PDE1C: variants seen among roughly 807,000 people sequenced by gnomAD.
The protein encoded by PDE1C is dual specificity calcium/calmodulin-dependent 3',5'-cyclic nucleotide phosphodiesterase 1C.
Under a neutral mutation model 93.1 loss-of-function variants are expected in PDE1C, and 62 were observed. That is an observed-to-expected ratio of 0.67 (90% confidence interval 0.54 to 0.82). The LOEUF is 0.82. Among genes scored for constraint, PDE1C ranks in the 40% least tolerant of loss-of-function variants. The probability of loss-of-function intolerance (pLI) is 0.00; values close to 1 mark genes in which losing one functional copy is unlikely to be tolerated. For missense variants in PDE1C, 742 were observed against 884.6 expected, an observed-to-expected ratio of 0.84 and a Z score of 2.04; for synonymous variants, 325 against 310.1, an observed-to-expected ratio of 1.05 and a Z score of -0.50.
intron 3 of PDE1C, among the ~76,000 whole-genome samples, chr7:32,085,488 C>G (rs1228092575): frequency 1.3e-5 from 2 of 149,270 alleles, no homozygotes; most frequent in East Asian, 3.9e-4. Flanking sequence ...AGGGAATCCT[C>G]CCTAACTCAT....
At chr7:32,237,120 T>C (rs1241952786) in intron 1 of PDE1C, among the ~76,000 whole-genome samples, 4 of 147,278 alleles carry the variant, frequency 2.7e-5, no homozygotes, top group Non-Finnish European at 5.9e-5. Flanking sequence ...GGAGTCTCGC[T>C]CTGTCGCCCA....
chr7:32,215,782 C>G (rs530890986), intron 1 of PDE1C, among the ~76,000 whole-genome samples: 1 of 152,326 alleles, frequency 6.6e-6, no homozygotes, highest in South Asian at 2.1e-4. Flanking sequence ...CACTGCCACC[C>G]CTGTTTTGAA....
At chr7:32,122,769 T>C (rs1335180291) in intron 3 of PDE1C, among the ~76,000 whole-genome samples, 2 of 152,002 alleles carry the variant, frequency 1.3e-5, no homozygotes, top group African/African-American at 4.8e-5. Flanking sequence ...GCTACAAAGA[T>C]CTCAAATTGA....
At chr7:32,367,026 CA>C (rs369831549) in intron 1 of PDE1C, among the ~76,000 whole-genome samples, 12 of 149,444 alleles carry the variant, frequency 8.0e-5, no homozygotes, top group East Asian at 2.0e-4. Context: ...GAGACTCCAT[CA>C]AAAAAAAAGA....
At chr7:31,976,065 A>G (rs1430524725) in intron 2 of PDE1C, among the ~76,000 whole-genome samples, 2 of 152,258 alleles carry the variant, frequency 1.3e-5, no homozygotes, top group Non-Finnish European at 2.9e-5. Flanking sequence ...TCTGCTTAGA[A>G]CACTGTTTAA....
intron 5 of PDE1C, among the ~76,000 whole-genome samples, chr7:31,875,322 G>C (rs1796413991): frequency 6.6e-6 from 1 of 152,144 alleles, no homozygotes; most frequent in South Asian, 2.1e-4. Context: ...TCAGGACTTA[G>C]AGAACAAAGA....
intron 1 of PDE1C, among the ~76,000 whole-genome samples, chr7:32,340,649 A>G (rs1372676378): frequency 6.6e-6 from 1 of 152,254 alleles, no homozygotes; most frequent in Non-Finnish European, 1.5e-5. Flanking sequence ...ACAATGGCAT[A>G]TTATTCAGCA....
At chr7:31,716,885 G>A in the PDE1C span, among the ~76,000 whole-genome samples, 1 of 152,180 alleles carries the variant, frequency 6.6e-6, no homozygotes, top group Non-Finnish European at 1.5e-5. Context: ...GACCCTCGCT[G>A]CAGAGCCAGA....
chr7:32,139,454 G>A (rs1196076563), intron 3 of PDE1C, among the ~76,000 whole-genome samples: 1 of 152,062 alleles, frequency 6.6e-6, no homozygotes, highest in Non-Finnish European at 1.5e-5. Flanking sequence ...GGAGGAAGAA[G>A]TATCCATATT....
At chr7:32,073,831 CAG>C (rs1338676917), upstream of PDE1C, among the ~76,000 whole-genome samples, 2 of 152,170 alleles carry the variant, frequency 1.3e-5, no homozygotes, top group African/African-American at 4.8e-5. Flanking sequence ...CAAAAAGAAA[CAG>C]ATGCAAATAG....
Position 31,831,281 on chromosome 7 carries a change from T to C in PDE1C, c.1204-2908A>G, listed in dbSNP as rs114795464. On this transcript the variant is annotated intron_variant, in intron 11 of 17. Coordinates refer to ENST00000396191, the MANE Select transcript of PDE1C (RefSeq NM_001191057.4). ...TTTAGCTCTTTCAGAAATTATCACC[T>C]CAAAAATAAGGAGAGTAAGAAACAG... Among the ~76,000 whole-genome samples, 830 of 152,154 alleles carry C rather than the reference T, an allele frequency of 5.5e-3. 5 individuals are homozygous for C. Among genetic ancestry groups the C allele is most frequent in the African/African-American group, 0.019 (786 of 41,512 alleles).
intron 16 of PDE1C, chr7:31,808,293 A>G: frequency 2.7e-6 from 1 of 377,278 alleles, no homozygotes; most frequent in South Asian, 2.1e-5. Flanking sequence ...GGAAACTTTA[A>G]TTTTTAGCTT....
intron 16 of PDE1C, chr7:31,790,241 C>CT: frequency 6.2e-7 from 1 of 1,612,652 alleles, no homozygotes. Context: ...TCTATGAGGT[C>CT]TTTTTTACTC....
At chr7:32,017,574 T>C (rs2128603798) in intron 2 of PDE1C, among the ~76,000 whole-genome samples, 1 of 152,232 alleles carries the variant, frequency 6.6e-6, no homozygotes, top group Non-Finnish European at 1.5e-5. Context: ...GCACACAGAA[T>C]GGGAGATAAC....
In PDE1C at chr7:32,017,754, A is replaced by T. The variant is rs138294582; in HGVS notation, c.128+33800T>A. Among the ~76,000 whole-genome samples, 832 of 152,278 alleles carry T rather than the reference A, an allele frequency of 5.5e-3. 8 individuals are homozygous for T. The highest frequency in any genetic ancestry group is 0.016 in the African/African-American group (672 of 41,578). On this transcript the variant is annotated intron_variant, in intron 2 of 17. Coordinates refer to ENST00000396191, the MANE Select transcript of PDE1C (RefSeq NM_001191057.4). ...TAATAAGCATGTGAAAAGATGCTCAACATCATTACCCCTGAAGGAAATACA... is the reference window on the plus strand; with the variant it reads ...TAATAAGCATGTGAAAAGATGCTCATCATCATTACCCCTGAAGGAAATACA...
At chr7:32,104,521 C>T (rs1798199106) in intron 3 of PDE1C, among the ~76,000 whole-genome samples, 1 of 152,080 alleles carries the variant, frequency 6.6e-6, no homozygotes. Flanking sequence ...ATGTGCTCTC[C>T]CCAGGGCTCA....
intron 7 of PDE1C, 101 bp downstream of exon 7, chr7:31,864,841 G>T: frequency 1.8e-6 from 2 of 1,094,502 alleles, no homozygotes; most frequent in Non-Finnish European, 2.7e-6. Context: ...ATAAAACAAT[G>T]CATGACTCGT....
intron 2 of PDE1C, among the ~76,000 whole-genome samples, chr7:32,187,363 A>G (rs1223657300): frequency 9.2e-5 from 14 of 152,124 alleles, no homozygotes; most frequent in African/African-American, 3.4e-4. Context: ...ATCAACATCA[A>G]TAACTTAATA....
chr7:32,148,430 C>T (rs962404994), intron 3 of PDE1C, among the ~76,000 whole-genome samples: 1 of 151,988 alleles, frequency 6.6e-6, no homozygotes, highest in Non-Finnish European at 1.5e-5. Flanking sequence ...CTCAATTTGG[C>T]AGATAAGTTT....
Sources: allele counts gnomAD v4.1 joint callset (sites outside exome capture counted in the v4.1 genomes callset), GRCh38; gene constraint gnomAD v4.1.1; transcripts MANE v1.5; gene names NCBI Gene and HGNC (gene_info 2026-07-23, HGNC 2026-07-21).